The following TACC2 variants were observed in gnomAD, a reference collection of about 807,000 sequenced individuals.
TACC2 encodes the protein transforming acidic coiled-coil containing protein 2.
A neutral mutation model predicts 227.3 loss-of-function variants in TACC2; 137 were observed. The ratio of observed to expected loss-of-function variants is 0.60; its 90% CI spans 0.52 to 0.69. TACC2 has a LOEUF of 0.69. TACC2 is among the 30% of genes least tolerant of loss of function. The pLI, the probability that TACC2 is intolerant of heterozygous loss-of-function variation, is 0.00. For missense variants in TACC2, 3,470 were observed against 3,694.4 expected, an observed-to-expected ratio of 0.94 and a Z score of 1.57; for synonymous variants, 1,523 against 1,487.5, an observed-to-expected ratio of 1.02 and a Z score of -0.55.
intron 5 of TACC2, among the ~76,000 whole-genome samples, chr10:122,091,588 T>A (rs1041682102): frequency 2.6e-5 from 4 of 152,086 alleles, no homozygotes; most frequent in East Asian, 1.9e-4. Context: ...CTGGAAAAAA[T>A]TCGGATTGGA....
chr10:121,999,443 A>G (rs974103014), intron 1 of TACC2, among the ~76,000 whole-genome samples: 4 of 152,262 alleles, frequency 2.6e-5, no homozygotes, highest in Non-Finnish European at 4.4e-5. Context: ...TTTGCATCTC[A>G]TATTTCATAG....
At chr10:122,006,436 G>A (rs1312523980) in intron 1 of TACC2, among the ~76,000 whole-genome samples, 2 of 105,266 alleles carry the variant, frequency 1.9e-5, no homozygotes, top group Non-Finnish European at 4.6e-5. Flanking sequence ...GCTACAGAGT[G>A]AGACTCAGTC....
chr10:122,211,156 A>G lies in TACC2; in HGVS notation c.6731A>G (p.Glu2244Gly), dbSNP rs892825068. Residue 2244 changes from glutamate to glycine, a missense_variant, in exon 9 of 23, where the codon GAG becomes GGG. By Grantham distance (98) the Glu-to-Gly change is moderately conservative. Around this residue, in one of 10 missense-constraint regions of TACC2, gnomAD observed 593 missense variants for 636.6 expected, o/e 0.93. Coordinates refer to ENST00000369005, the MANE Select transcript of TACC2 (RefSeq NM_206862.4). ...CTTACCACGGCCCCGGAGGCAGGGGAGGTAACCCCATCGGATAGCGGGGGG... is the reference window on the plus strand; with the variant it reads ...CTTACCACGGCCCCGGAGGCAGGGGGGGTAACCCCATCGGATAGCGGGGGG... ...LPLTTAPEAG[E>G]VTPSDSGGQE... 6.2e-7 allele frequency: 1 copy of G among 1,610,860 alleles called. No homozygotes were observed. Among genetic ancestry groups the G allele is most frequent in the Admixed American group, 1.7e-5 (1 of 59,588 alleles).
At chr10:122,212,112 A>G (rs1273181948) in intron 9 of TACC2, among the ~76,000 whole-genome samples, 1 of 152,186 alleles carries the variant, frequency 6.6e-6, no homozygotes, top group Non-Finnish European at 1.5e-5. Context: ...CACCCTTTAA[A>G]ATATTAAAAT....
At chr10:122,237,367 T>C (rs1208981094) in intron 16 of TACC2, 28 bp from the exon 17 acceptor site, 1 of 1,589,068 alleles carries the variant, frequency 6.3e-7, no homozygotes. Flanking sequence ...GCTAACTGTT[T>C]TTTTTTTAAT....
At chr10:122,156,300 T>C (rs909811667) in intron 7 of TACC2, among the ~76,000 whole-genome samples, 1 of 151,752 alleles carries the variant, frequency 6.6e-6, no homozygotes, top group Admixed American at 6.6e-5. Context: ...TTCGGCTCAC[T>C]GCAAGCTCCG....
intron 21 of TACC2, 127 bp downstream of exon 21, chr10:122,249,283 TCAA>T: frequency 1.3e-6 from 1 of 752,542 alleles, no homozygotes; most frequent in Non-Finnish European, 2.2e-6. Flanking sequence ...AGTGTGTGTT[TCAA>T]TAAGACTCGA....
At position 122,194,984 on chromosome 10, in the gene TACC2, TCAG is replaced by T. The variant is rs1487781480; in HGVS notation, c.5835-52_5835-50del. ...CTCTGGGTGCGAAGGCCACACCGGCTCAGCAGAACTGGCTCTGGGCCCCTGTCT... is the reference window on the plus strand; with the variant it reads ...CTCTGGGTGCGAAGGCCACACCGGCTCAGAACTGGCTCTGGGCCCCTGTCT... On this transcript the variant is annotated intron_variant, in intron 7 of 22. Coordinates refer to ENST00000369005, the MANE Select transcript of TACC2 (RefSeq NM_206862.4). This position sits in a 1 kb window ranked among gnomAD's most constrained non-coding sequence, Gnocchi z 4.4. 4 of 1,549,882 alleles carry T rather than the reference TCAG, an allele frequency of 2.6e-6. No homozygotes were observed. The highest frequency in any genetic ancestry group is 2.6e-6 in the Non-Finnish European group (3 of 1,143,126).
Position 122,083,154 on chromosome 10 carries a change from C to A in TACC2, c.654C>A (p.Asp218Glu), listed in dbSNP as rs1490439884. The A allele has an allele frequency of 1.2e-6, 2 of 1,613,184 alleles. No individual in the cohort carries two copies. Among genetic ancestry groups the A allele is most frequent in the East Asian group, 2.2e-5 (1 of 44,852 alleles). ...AGGCACCGCTGTGTGGAGAGGGGGA[C>A]CAGCCTGGTGGTTTTGAGTCCCAAG... is the stretch of plus-strand genomic sequence containing the variant. ...PMKAPLCGEG[D>E]QPGGFESQEK... The change falls in exon 4 of 23, where the codon GAC (aspartate) becomes GAA (glutamate). Residue 218 changes from aspartate to glutamate, a missense_variant. Physicochemically the swap from Asp to Glu is conservative, Grantham distance 45. Around this residue, in one of 10 missense-constraint regions of TACC2, gnomAD observed 405 missense variants for 389.6 expected, o/e 1.04. Transcript: ENST00000369005.
At chr10:122,073,106 C>CAAAAAAAA (rs1164376721) in intron 3 of TACC2, among the ~76,000 whole-genome samples, 11 of 19,418 alleles carry the variant, frequency 5.7e-4, no homozygotes, top group African/African-American at 2.0e-3. Context: ...GACTCTGTCT[C>CAAAAAAAA]AAAAAAAAAA....
At chr10:122,027,911 T>C (rs1417621965) in intron 2 of TACC2, among the ~76,000 whole-genome samples, 4 of 151,276 alleles carry the variant, frequency 2.6e-5, no homozygotes, top group African/African-American at 9.7e-5. Flanking sequence ...GCCCAGCTAA[T>C]TTTTTGTATT....
intron 7 of TACC2, among the ~76,000 whole-genome samples, chr10:122,182,915 G>C (rs1435224475): frequency 6.6e-6 from 1 of 152,182 alleles, no homozygotes; most frequent in Non-Finnish European, 1.5e-5. Flanking sequence ...TAGGAGCCAG[G>C]TCGGGCCTGG....
At chr10:122,123,297 G>A (rs61871558) in intron 5 of TACC2, among the ~76,000 whole-genome samples, 14,129 of 152,142 alleles carry the variant, frequency 0.093, 802 homozygotes, top group East Asian at 0.23. Flanking sequence ...GAGCCACCGC[G>A]CCTGGCCTGG....
intron 13 of TACC2, among the ~76,000 whole-genome samples, chr10:122,227,386 C>T (rs1355331792): frequency 3.3e-5 from 5 of 152,304 alleles, no homozygotes; most frequent in Non-Finnish European, 7.4e-5. Context: ...ACTCTGCAGG[C>T]TGCCCAGGGT....
rs879399401 is a variant in TACC2 at position 122,056,214 on chromosome 10, G to A, written c.146+5664G>A. 5.3e-5 allele frequency among the ~76,000 whole-genome samples: 8 copies of A among 152,108 alleles called. No individual in the cohort carries two copies. The East Asian group carries it at 5.8e-4, about 11-fold the overall frequency. ...TTTGAGACAGAGTTTTACTCTTGTCGCCCAGGCTGGAGTGTAATGGTGCGA... is the reference window on the plus strand; with the variant it reads ...TTTGAGACAGAGTTTTACTCTTGTCACCCAGGCTGGAGTGTAATGGTGCGA... On this transcript the variant is annotated intron_variant, in intron 3 of 22. Coordinates refer to ENST00000369005, the MANE Select transcript of TACC2 (RefSeq NM_206862.4).
chr10:122,055,053 C>G (rs529097115), intron 3 of TACC2, among the ~76,000 whole-genome samples: 1 of 152,194 alleles, frequency 6.6e-6, no homozygotes, highest in South Asian at 2.1e-4. Flanking sequence ...AACCTCATCT[C>G]TACTAAAATG....
intron 5 of TACC2, among the ~76,000 whole-genome samples, chr10:122,121,642 C>T (rs561303407): frequency 3.3e-5 from 5 of 152,318 alleles, no homozygotes; most frequent in East Asian, 1.9e-4. Flanking sequence ...ATAATTGAAA[C>T]GGGCAAATGT....
intron 2 of TACC2, among the ~76,000 whole-genome samples, chr10:122,030,906 C>G (rs899419397): frequency 6.6e-6 from 1 of 152,072 alleles, no homozygotes; most frequent in Non-Finnish European, 1.5e-5. Flanking sequence ...CCCTCCAACC[C>G]AAACTCAGCT....
At position 122,229,406 on chromosome 10, in the gene TACC2, G is replaced by A. The variant is rs773434164; in HGVS notation, c.7957G>A (p.Val2653Ile). 1.1e-5 allele frequency: 17 copies of A among 1,613,696 alleles called. No homozygotes were observed. In the East Asian group the frequency reaches 1.3e-4, roughly 13 times the overall value. ...DALLSRLAHP[V>I]SLCGALDYLE... ...CCTCCTCAGCAGGCTAGCTCACCCC[G>A]TCTCTCTCTGTGGTGCACTTGACTA... The change falls in exon 15 of 23, where the codon GTC becomes ATC. Residue 2653 changes from valine (V) to isoleucine (I), a missense_variant. Coordinates refer to ENST00000369005, the MANE Select transcript of TACC2 (RefSeq NM_206862.4).
Sources: allele counts gnomAD v4.1 joint callset (sites outside exome capture counted in the v4.1 genomes callset), GRCh38; gene constraint gnomAD v4.1.1; regional missense constraint gnomAD v4.1.1; non-coding constraint Gnocchi (gnomAD v3.1); transcripts MANE v1.5; gene names NCBI Gene and HGNC (gene_info 2026-07-23, HGNC 2026-07-21).